Variants in BCAS3 observed in about 807,000 individuals in gnomAD.
BCAS3 encodes BCAS3 microtubule associated cell migration factor, also known as BCAS4/BCAS3 fusion.
BCAS3 carries 53 observed loss-of-function variants against 116.1 expected under a neutral mutation model. That is an observed-to-expected ratio of 0.46 (90% confidence interval 0.37 to 0.57). The LOEUF is 0.57. Ranked by LOEUF, BCAS3 falls within the 20% of genes least tolerant of loss-of-function variation. BCAS3 has a pLI of 0.00. For missense variants in BCAS3, 917 were observed against 1,165.4 expected, an observed-to-expected ratio of 0.79 and a Z score of 3.10; for synonymous variants, 391 against 408.2, an observed-to-expected ratio of 0.96 and a Z score of 0.51.
chr17:60,832,587 A>ATT (rs896196673), intron 7 of BCAS3, among the ~76,000 whole-genome samples: 1 of 151,530 alleles, frequency 6.6e-6, no homozygotes, highest in African/African-American at 2.4e-5. Flanking sequence ...CTGAGGTAGG[A>ATT]TTTTTTTTTG....
chr17:61,295,477 G>T (rs2052803859), intron 22 of BCAS3, among the ~76,000 whole-genome samples: 1 of 152,192 alleles, frequency 6.6e-6, no homozygotes, highest in African/African-American at 2.4e-5. Flanking sequence ...ATGAGTAGCT[G>T]TCTCTCTGTC....
chr17:61,089,824 G>A (rs761657495), intron 22 of BCAS3, among the ~76,000 whole-genome samples: 4 of 151,344 alleles, frequency 2.6e-5, no homozygotes. Context: ...GAACCACCGC[G>A]CCCAACCTGG....
intron 22 of BCAS3, among the ~76,000 whole-genome samples, chr17:61,306,277 T>C (rs963440999): frequency 2.0e-5 from 3 of 152,226 alleles, no homozygotes; most frequent in Admixed American, 6.5e-5. Context: ...CTATTTGTAT[T>C]TCTTCATCAA....
At chr17:60,948,864 C>T (rs1021109913) in intron 14 of BCAS3, among the ~76,000 whole-genome samples, 2 of 151,850 alleles carry the variant, frequency 1.3e-5, no homozygotes, top group Admixed American at 1.3e-4. Flanking sequence ...AAAGTTTTTT[C>T]ATTGAAATAT....
chr17:60,831,348 T>C (rs939281457), intron 7 of BCAS3, among the ~76,000 whole-genome samples: 1 of 151,610 alleles, frequency 6.6e-6, no homozygotes, highest in Non-Finnish European at 1.5e-5. Flanking sequence ...AGCTAATTTT[T>C]GTATTTTTAG....
rs543182158 is a variant in BCAS3, at chr17:61,243,476, T to TTCGAGATCCACA, written c.2426-124849_2426-124848insGAGATCCACATC. Among the ~76,000 whole-genome samples the TTCGAGATCCACA allele has an allele frequency of 5.7e-3, 874 of 152,304 alleles. 10 individuals carry two copies. Among genetic ancestry groups the TTCGAGATCCACA allele is most frequent in the African/African-American group, 0.02 (818 of 41,550 alleles). Reference sequence around the variant, plus strand: ...GGAGATACCTCTTCGAGATCCACATTTCAGTTCCTTTTGATATATACACCC... The same window carrying TTCGAGATCCACA: ...GGAGATACCTCTTCGAGATCCACATTTCGAGATCCACATCAGTTCCTTTTGATATATACACCC... On this transcript the variant is annotated intron_variant, in intron 22 of 23. Transcript: ENST00000407086. This position sits in a 1 kb window ranked among gnomAD's most constrained non-coding sequence, Gnocchi z 5.6.
At chr17:61,298,907 C>G (rs1021735821) in intron 22 of BCAS3, among the ~76,000 whole-genome samples, 1 of 151,872 alleles carries the variant, frequency 6.6e-6, no homozygotes, top group African/African-American at 2.4e-5. Context: ...ACTGCAATCT[C>G]TGCCTCCTGG....
At chr17:60,782,372 G>GGTA (rs1377290444) in intron 6 of BCAS3, among the ~76,000 whole-genome samples, 3 of 151,928 alleles carry the variant, frequency 2.0e-5, no homozygotes, top group Non-Finnish European at 4.4e-5. Context: ...GCTTGAGGTA[G>GGTA]GTAGCATCTC....
intron 22 of BCAS3, among the ~76,000 whole-genome samples, chr17:61,195,406 C>T (rs1337050757): frequency 6.6e-6 from 1 of 152,236 alleles, no homozygotes. Context: ...GTTGTCTAGG[C>T]TGGTGTGCAA....
At chr17:61,274,183 C>G (rs1025583358) in intron 22 of BCAS3, among the ~76,000 whole-genome samples, 7 of 150,288 alleles carry the variant, frequency 4.7e-5, no homozygotes, top group Admixed American at 4.7e-4. Context: ...TTGTTCAGTT[C>G]CCACCTATGA....
At chr17:60,853,745 A>G (rs2053393724) in intron 7 of BCAS3, among the ~76,000 whole-genome samples, 1 of 152,192 alleles carries the variant, frequency 6.6e-6, no homozygotes, top group Non-Finnish European at 1.5e-5. Flanking sequence ...ATCTACACAC[A>G]ATTTTAAACA....
In BCAS3 at chr17:61,354,767, A is replaced by G. The variant is rs1446097435; in HGVS notation, c.2426-13560A>G. The stretch of plus-strand genomic sequence containing the variant: ...GGTGGAAGGTTGACCACACACTCCA[A>G]ATACACATGTTTATTGCCCAAGCTG... On this transcript the variant is annotated intron_variant, in intron 22 of 23. Transcript: ENST00000407086. This position sits in a 1 kb window ranked among gnomAD's most constrained non-coding sequence, Gnocchi z 4.5. 5 of 152,190 alleles carry G rather than the reference A, an allele frequency of 3.3e-5. No individual in the cohort carries two copies. Among genetic ancestry groups the G allele is most frequent in the African/African-American group, 9.7e-5 (4 of 41,438 alleles). 9.4% of individuals were successfully genotyped at this position (152,190 alleles called of 1,614,324 possible).
chr17:60,755,486 A>G (rs11079403), intron 6 of BCAS3, among the ~76,000 whole-genome samples: 123,890 of 152,094 alleles, frequency 0.81, 51,963 homozygotes, highest in South Asian at 0.98. Context: ...ATAGCACATA[A>G]TATAAAAAAG....
chr17:61,288,639 G>C (rs1174548664), intron 22 of BCAS3, among the ~76,000 whole-genome samples: 1 of 152,198 alleles, frequency 6.6e-6, no homozygotes, highest in Non-Finnish European at 1.5e-5. Context: ...TTGTCTGACT[G>C]ATAGAGACAA....
rs139477828 is a variant in BCAS3 at position 61,004,211 on chromosome 17, T to A, written c.1487-11540T>A. 2.3e-3 allele frequency among the ~76,000 whole-genome samples: 350 copies of A among 152,270 alleles called. 2 individuals are homozygous for A. Among genetic ancestry groups the A allele is most frequent in the African/African-American group, 7.6e-3 (316 of 41,558 alleles). ...GGTTCCACTGAAATAAAAATATTTC[T>A]ATGGAAATCTGGAGATGGAATTTTT... On this transcript the variant is annotated intron_variant, in intron 15 of 23. Transcript: ENST00000407086. The surrounding 1 kb of genome is among the most constrained non-coding windows in gnomAD (Gnocchi z 4.8).
chr17:60,945,596 T>C (rs2060443525), intron 13 of BCAS3, among the ~76,000 whole-genome samples: 1 of 142,132 alleles, frequency 7.0e-6, no homozygotes, highest in Admixed American at 7.1e-5. Flanking sequence ...AGACCAGGAG[T>C]TTGAGACCAG....
At chr17:61,079,882 ATTTTTTTT>A (rs745702399) in intron 21 of BCAS3, among the ~76,000 whole-genome samples, 2 of 65,882 alleles carry the variant, frequency 3.0e-5, no homozygotes, top group Admixed American at 1.7e-4. Flanking sequence ...AGGCATGAGT[ATTTTTTTT>A]TTTTTTTTTT....
intron 7 of BCAS3, chr17:60,810,357 T>C: frequency 4.5e-6 from 2 of 444,098 alleles, no homozygotes; most frequent in Non-Finnish European, 8.6e-6. Context: ...GGGGCCTGGT[T>C]GTGGGGATGG....
intron 18 of BCAS3, 73 bp downstream of exon 18, chr17:61,038,127 TAA>T (rs1438829226): frequency 1.1e-5 from 16 of 1,421,652 alleles, no homozygotes; most frequent in Non-Finnish European, 1.5e-5. Flanking sequence ...TATAATTTGA[TAA>T]GTTTTGACAT....
Sources: gnomAD v4.1 joint callset for allele counts (sites outside exome capture counted in the v4.1 genomes callset) on GRCh38, gnomAD v4.1.1 for gene constraint, Gnocchi (gnomAD v3.1) non-coding constraint, MANE v1.5 for transcripts, NCBI Gene and HGNC (gene_info 2026-07-23, HGNC 2026-07-21) for gene names.